The following MAST2 variants were observed in gnomAD, a reference collection of about 807,000 sequenced individuals.
MAST2 encodes microtubule associated serine/threonine kinase 2.
MAST2 carries 70 observed loss-of-function variants against 147.4 expected under a neutral mutation model. The ratio of observed to expected loss-of-function variants is 0.47; its 90% CI spans 0.39 to 0.58. The LOEUF is 0.58. MAST2 is among the 20% of genes least tolerant of loss of function. The pLI, the probability that MAST2 is intolerant of heterozygous loss-of-function variation, is 0.00. For missense variants in MAST2, 2,080 were observed against 2,302.3 expected (o/e 0.90, Z 1.98); for synonymous variants, 869 against 896.8 (o/e 0.97, Z 0.55).
At chr1:45,980,907 G>A (rs533211965) in intron 5 of MAST2, among the ~76,000 whole-genome samples, 1 of 152,050 alleles carries the variant, frequency 6.6e-6, no homozygotes, top group Admixed American at 6.6e-5. Flanking sequence ...CCATCCAATG[G>A]GTCCTCCTTG....
intron 4 of MAST2, among the ~76,000 whole-genome samples, chr1:45,958,289 T>C (rs1313349270): frequency 1.3e-5 from 2 of 152,156 alleles, no homozygotes; most frequent in Non-Finnish European, 2.9e-5. Flanking sequence ...TCTTTTTCTG[T>C]CATTCTCCCC....
chr1:45,954,424 G>A (rs1300748694), intron 4 of MAST2, among the ~76,000 whole-genome samples: 1 of 152,156 alleles, frequency 6.6e-6, no homozygotes, highest in Non-Finnish European at 1.5e-5. Flanking sequence ...TGTTGACTGA[G>A]ATGACCATGG....
At chr1:45,911,496 T>C (rs1651645624) in intron 4 of MAST2, among the ~76,000 whole-genome samples, 1 of 152,132 alleles carries the variant, frequency 6.6e-6, no homozygotes, top group African/African-American at 2.4e-5. Context: ...TGTCAGAAAT[T>C]TCTACTGAAA....
At chr1:45,882,443 A>G (rs1238259431) in intron 4 of MAST2, 48 bp downstream of exon 4, 9 of 1,430,014 alleles carry the variant, frequency 6.3e-6, no homozygotes, top group South Asian at 5.8e-5. Context: ...CTACTTAGGA[A>G]CCCCTCTTGG....
intron 10 of MAST2, among the ~76,000 whole-genome samples, chr1:46,018,651 T>C (rs1646057162): frequency 6.6e-6 from 1 of 152,212 alleles, no homozygotes; most frequent in Admixed American, 6.5e-5. Context: ...TAAACGGTTC[T>C]GCCACACTGA....
At chr1:45,966,433 A>AC (rs1557976949) in intron 5 of MAST2, among the ~76,000 whole-genome samples, 1 of 151,274 alleles carries the variant, frequency 6.6e-6, no homozygotes, top group Admixed American at 6.6e-5. Flanking sequence ...AAAAAAAAAA[A>AC]AAAAAAAAAC....
intron 3 of MAST2, among the ~76,000 whole-genome samples, chr1:45,872,173 A>C (rs557977880): frequency 6.6e-6 from 1 of 152,108 alleles, no homozygotes; most frequent in Non-Finnish European, 1.5e-5. Context: ...TGCAGTAGGG[A>C]TCAATATACG....
intron 3 of MAST2, among the ~76,000 whole-genome samples, chr1:45,864,722 T>G (rs1646087482): frequency 6.6e-6 from 1 of 152,238 alleles, no homozygotes; most frequent in African/African-American, 2.4e-5. Context: ...GACTCTTGTT[T>G]TGTTTGCTAA....
At chr1:45,957,499 G>C (rs747107986) in intron 4 of MAST2, among the ~76,000 whole-genome samples, 36 of 152,142 alleles carry the variant, frequency 2.4e-4, no homozygotes, top group Admixed American at 5.2e-4. Flanking sequence ...TGGCCCAACT[G>C]TACGTGTTCT....
chr1:45,946,979 G>T (rs1390211023), intron 4 of MAST2, among the ~76,000 whole-genome samples: 1 of 152,050 alleles, frequency 6.6e-6, no homozygotes, highest in Non-Finnish European at 1.5e-5. Context: ...TGATTTTCTG[G>T]ATACTTGACT....
intron 10 of MAST2, among the ~76,000 whole-genome samples, chr1:46,013,672 C>T (rs553127255): frequency 1.4e-5 from 2 of 144,110 alleles, no homozygotes; most frequent in South Asian, 4.6e-4. Context: ...AAAAGTGAAA[C>T]TCTGTCTCAA....
rs191635495 is a variant in MAST2 at position 45,856,932 on chromosome 1, A to G, written c.469-25432A>G. Among the ~76,000 whole-genome samples, 22 of 152,290 alleles carry G rather than the reference A, an allele frequency of 1.4e-4. No individual in the cohort carries two copies. In the South Asian group the frequency reaches 3.7e-3, roughly 26 times the overall value. On this transcript the variant is annotated intron_variant, in intron 3 of 28. Transcript: ENST00000361297. ...ATAATACTTTAGCAAGGGAATTAGT[A>G]CTTGTTTAAGTGTTCATATTGCCTT...
At chr1:45,825,153 G>A (rs552231647) in intron 2 of MAST2, among the ~76,000 whole-genome samples, 1 of 151,838 alleles carries the variant, frequency 6.6e-6, no homozygotes, top group South Asian at 2.1e-4. Context: ...AGCCTCCCGA[G>A]TAGCTGGGAC....
chr1:45,997,835 A>T (rs368830526), intron 6 of MAST2, 36 bp downstream of exon 6: 61 of 1,544,478 alleles, frequency 3.9e-5, no homozygotes, highest in East Asian at 2.7e-4. Context: ...GGACCAGCAC[A>T]TGTGGCACTT....
chr1:46,009,616 G>C (rs183705490), intron 9 of MAST2, among the ~76,000 whole-genome samples: 1 of 152,310 alleles, frequency 6.6e-6, no homozygotes, highest in South Asian at 2.1e-4. Context: ...TCTCATGCTT[G>C]TCCTCCTCCT....
chr1:45,810,395 G>C (rs1011144807), intron 1 of MAST2, among the ~76,000 whole-genome samples: 1 of 152,178 alleles, frequency 6.6e-6, no homozygotes, highest in Non-Finnish European at 1.5e-5. Flanking sequence ...GGGAAGCTGC[G>C]TAATATATAT....
At chr1:45,915,582 C>T (rs1303520958) in intron 4 of MAST2, among the ~76,000 whole-genome samples, 5 of 151,890 alleles carry the variant, frequency 3.3e-5, no homozygotes, top group African/African-American at 7.2e-5. Flanking sequence ...TGGTGGCGGG[C>T]GCCTGTAATC....
At chr1:45,944,968 A>G (rs1316107823) in intron 4 of MAST2, among the ~76,000 whole-genome samples, 1 of 152,222 alleles carries the variant, frequency 6.6e-6, no homozygotes, top group Non-Finnish European at 1.5e-5. Context: ...AGTGCCTGAC[A>G]TAGAACCTTG....
chr1:45,851,676 G>A (rs10890355), intron 3 of MAST2, among the ~76,000 whole-genome samples: 51,622 of 151,916 alleles, frequency 0.34, 9,171 homozygotes, highest in African/African-American at 0.44. Context: ...TATCATGAAG[G>A]GATGGTGGAT....
Sources: gnomAD v4.1 joint callset for allele counts (sites outside exome capture counted in the v4.1 genomes callset) on GRCh38, gnomAD v4.1.1 for gene constraint, MANE v1.5 for transcripts, NCBI Gene and HGNC (gene_info 2026-07-23, HGNC 2026-07-21) for gene names.